The following FRMD4B variants were observed in gnomAD, a reference collection of about 807,000 sequenced individuals.
FRMD4B encodes the protein FERM domain-containing protein 4B.
In FRMD4B, 74 loss-of-function variants were observed where a neutral mutation model predicts 141.5. The ratio of observed to expected loss-of-function variants is 0.52; its 90% CI spans 0.43 to 0.63. The LOEUF is 0.63. FRMD4B is among the 30% of genes least tolerant of loss of function. The pLI, the probability that FRMD4B is intolerant of heterozygous loss-of-function variation, is 0.00. For synonymous variants in FRMD4B, 506 were observed against 467.9 expected (o/e 1.08, Z -1.05); for missense variants, 1,366 against 1,253.4 (o/e 1.09, Z -1.36).
chr3:69,226,478 G>A (rs998653184), intron 7 of FRMD4B, among the ~76,000 whole-genome samples: 3 of 145,476 alleles, frequency 2.1e-5, no homozygotes, highest in Non-Finnish European at 3.0e-5. Flanking sequence ...CTTCTAAATT[G>A]TGAGTTTTTT....
chr3:69,397,674 T>G (rs570316322), intron 2 of FRMD4B, among the ~76,000 whole-genome samples: 7 of 152,168 alleles, frequency 4.6e-5, no homozygotes, highest in Non-Finnish European at 1.0e-4. Context: ...CAAATCTATA[T>G]AGATAGAAAT....
At chr3:69,280,111 A>G (rs1469444175) in intron 5 of FRMD4B, among the ~76,000 whole-genome samples, 1 of 152,048 alleles carries the variant, frequency 6.6e-6, no homozygotes. Context: ...TGCTTCATGC[A>G]TTTAGGCTTT....
At chr3:69,311,521 T>C (rs1429169534) in intron 2 of FRMD4B, among the ~76,000 whole-genome samples, 164 bp from the exon 3 acceptor site, 1 of 152,202 alleles carries the variant, frequency 6.6e-6, no homozygotes, top group Non-Finnish European at 1.5e-5. Flanking sequence ...GACAATTCTT[T>C]AAGAATTGTG....
intron 5 of FRMD4B, among the ~76,000 whole-genome samples, chr3:69,272,413 G>A (rs1338314876): frequency 6.6e-6 from 1 of 152,202 alleles, no homozygotes; most frequent in African/African-American, 2.4e-5. Context: ...GCCTGCCTCG[G>A]CCTCCCAAAG....
intron 1 of FRMD4B, among the ~76,000 whole-genome samples, chr3:69,537,038 G>A (rs1701097922): frequency 6.6e-6 from 1 of 152,196 alleles, no homozygotes; most frequent in Admixed American, 6.5e-5. Flanking sequence ...ATGAGCCACT[G>A]CACCCCACCA....
chr3:69,501,006 T>C lies in FRMD4B; in HGVS notation c.-129+41200A>G, dbSNP rs552370348. On this transcript the variant is annotated intron_variant, in intron 1 of 5. Transcript: ENST00000459638. ...ACTTTGTATTTTTAAAATATTATCCTGGAAGCAGTGTGGTGTAGTTTAAGA... is the reference window on the plus strand; with the variant it reads ...ACTTTGTATTTTTAAAATATTATCCCGGAAGCAGTGTGGTGTAGTTTAAGA... Among the ~76,000 whole-genome samples, 6 of 152,300 alleles carry C rather than the reference T, an allele frequency of 3.9e-5. No homozygotes were observed. The East Asian group carries it at 7.7e-4, about 20-fold the overall frequency.
At chr3:69,196,531 C>CA in intron 13 of FRMD4B, 135 bp from the exon 14 acceptor site, 1 of 611,386 alleles carries the variant, frequency 1.6e-6, no homozygotes, top group Non-Finnish European at 2.6e-6. Context: ...TGGCATTCTT[C>CA]AGACCAAAAA....
chr3:69,403,507 A>T (rs1442163684), intron 2 of FRMD4B, among the ~76,000 whole-genome samples: 1 of 152,112 alleles, frequency 6.6e-6, no homozygotes, highest in Non-Finnish European at 1.5e-5. Context: ...GAAGAAAGGA[A>T]CCCTTCCCCC....
chr3:69,422,589 A>C (rs1040597052), intron 2 of FRMD4B, among the ~76,000 whole-genome samples: 1 of 152,090 alleles, frequency 6.6e-6, no homozygotes, highest in Non-Finnish European at 1.5e-5. Flanking sequence ...CAGACAGTAA[A>C]TATTTTCAGC....
intron 1 of FRMD4B, among the ~76,000 whole-genome samples, chr3:69,505,693 C>G (rs1020442109): frequency 3.3e-5 from 5 of 152,214 alleles, no homozygotes; most frequent in African/African-American, 1.2e-4. Context: ...TTATTTACAA[C>G]ATGTTACAGA....
intron 1 of FRMD4B, among the ~76,000 whole-genome samples, chr3:69,484,864 G>A (rs994160215): frequency 1.2e-4 from 19 of 152,024 alleles, no homozygotes; most frequent in African/African-American, 3.4e-4. Flanking sequence ...CTCGTCCATG[G>A]GCAGCCATGG....
chr3:69,292,815 C>CTTTTTT (rs35818040), intron 4 of FRMD4B, among the ~76,000 whole-genome samples: 5 of 120,938 alleles, frequency 4.1e-5, no homozygotes, highest in Admixed American at 1.9e-4. Context: ...TTTTTTCAGC[C>CTTTTTT]TTTTTTTTTT....
At chr3:69,196,052 C>A (rs1024837774) in intron 14 of FRMD4B, among the ~76,000 whole-genome samples, 8 of 152,176 alleles carry the variant, frequency 5.3e-5, no homozygotes. Context: ...ATGACATGCA[C>A]AACCTATTTA....
chr3:69,200,942 C>T, intron 11 of FRMD4B: 1 of 440,974 alleles, frequency 2.3e-6, no homozygotes, highest in Non-Finnish European at 4.6e-6. Context: ...ACCACCTCCC[C>T]CTCTTATCAC....
intron 1 of FRMD4B, among the ~76,000 whole-genome samples, chr3:69,482,303 T>G (rs1253931174): frequency 1.3e-5 from 2 of 152,176 alleles, no homozygotes; most frequent in Non-Finnish European, 2.9e-5. Flanking sequence ...AGAGCTTCTC[T>G]GTGGCCCTAA....
intron 1 of FRMD4B, among the ~76,000 whole-genome samples, chr3:69,439,175 T>G (rs1705306076): frequency 6.6e-6 from 1 of 152,226 alleles, no homozygotes; most frequent in Non-Finnish European, 1.5e-5. Flanking sequence ...CATGGTTTTT[T>G]GCGATCTAGA....
At chr3:69,189,782 T>A in intron 18 of FRMD4B, 114 bp downstream of exon 18, 1 of 681,248 alleles carries the variant, frequency 1.5e-6, no homozygotes, top group Non-Finnish European at 2.6e-6. Flanking sequence ...GTAAGTTAGT[T>A]TATTCTACTT....
intron 2 of FRMD4B, among the ~76,000 whole-genome samples, chr3:69,431,561 A>C (rs1204586867): frequency 2.0e-5 from 3 of 152,208 alleles, no homozygotes; most frequent in Non-Finnish European, 2.9e-5. Flanking sequence ...TGGGCTCAGC[A>C]TTCTTTCAAG....
chr3:69,212,131 A>G (rs6549188), intron 11 of FRMD4B, among the ~76,000 whole-genome samples: 130,034 of 151,194 alleles, frequency 0.86, 56,150 homozygotes, highest in Admixed American at 0.9. Flanking sequence ...GGCCCGAGGC[A>G]GGTGGATTGC....
Sources: allele counts gnomAD v4.1 joint callset (sites outside exome capture counted in the v4.1 genomes callset), GRCh38; gene constraint gnomAD v4.1.1; transcripts MANE v1.5; gene names NCBI Gene and HGNC (gene_info 2026-07-23, HGNC 2026-07-21).